Variants in CUX1 observed in about 807,000 individuals in gnomAD.
CUX1 encodes cut like homeobox 1.
In CUX1, 31 loss-of-function variants were observed where a neutral mutation model predicts 158.8. That is an observed-to-expected ratio of 0.20 (90% confidence interval 0.15 to 0.26). The LOEUF (loss-of-function observed/expected upper bound fraction) is 0.26. CUX1 is among the 10% of genes least tolerant of loss of function. The probability of loss-of-function intolerance (pLI) is 1.00; values close to 1 mark genes in which losing one functional copy is unlikely to be tolerated. For synonymous variants in CUX1, 879 were observed against 862.1 expected (o/e 1.02, Z -0.34); for missense variants, 1,589 against 2,014.6 (o/e 0.79, Z 4.04).
At chr7:101,841,035 A>G (rs940443533) in intron 1 of CUX1, among the ~76,000 whole-genome samples, 4 of 151,990 alleles carry the variant, frequency 2.6e-5, no homozygotes, top group Non-Finnish European at 5.9e-5. Flanking sequence ...CTGGGACTAC[A>G]GGTGCCCGCC....
intron 1 of CUX1, among the ~76,000 whole-genome samples, chr7:101,909,540 A>G (rs1803177242): frequency 6.6e-6 from 1 of 152,254 alleles, no homozygotes; most frequent in African/African-American, 2.4e-5. Context: ...CTTCCTGTGC[A>G]GGAACCATGG....
At chr7:102,226,908 C>T (rs1479042682) in intron 20 of CUX1, among the ~76,000 whole-genome samples, 4 of 152,152 alleles carry the variant, frequency 2.6e-5, no homozygotes, top group Non-Finnish European at 5.9e-5. Context: ...AAGGGTCTTC[C>T]TAACTGTGGT....
At chr7:102,193,951 C>A in intron 13 of CUX1, 61 bp downstream of exon 13, 1 of 1,508,858 alleles carries the variant, frequency 6.6e-7, no homozygotes, top group Non-Finnish European at 9.2e-7. Flanking sequence ...TACCACTGGT[C>A]CCTCCGGCAT....
At chr7:101,865,417 G>A (rs1421971002) in intron 1 of CUX1, among the ~76,000 whole-genome samples, 1 of 152,242 alleles carries the variant, frequency 6.6e-6, no homozygotes, top group Admixed American at 6.5e-5. Context: ...GACTAGCTAA[G>A]TTAAATCTTC....
At chr7:102,157,393 C>T (rs1554505599) in intron 8 of CUX1, among the ~76,000 whole-genome samples, 8 of 152,104 alleles carry the variant, frequency 5.3e-5, no homozygotes, top group Non-Finnish European at 1.2e-4. Flanking sequence ...AGACCATCCT[C>T]AGGACCTGCT....
chr7:102,151,748 A>C (rs968260900), intron 8 of CUX1, among the ~76,000 whole-genome samples: 6 of 149,052 alleles, frequency 4.0e-5, no homozygotes, highest in African/African-American at 1.5e-4. Flanking sequence ...AAAAAAAAAA[A>C]AAAAAAAAAA....
chr7:101,987,651 G>A (rs752154091), intron 2 of CUX1, among the ~76,000 whole-genome samples: 1 of 152,336 alleles, frequency 6.6e-6, no homozygotes, highest in African/African-American at 2.4e-5. Context: ...AAGCAAGGGC[G>A]GGGACATTGC....
chr7:102,227,342 G>A (rs782681025), intron 20 of CUX1, 25 bp from the exon 21 acceptor site: 32 of 1,578,672 alleles, frequency 2.0e-5, no homozygotes, highest in South Asian at 1.9e-4. Context: ...TTTCAGGCAC[G>A]GTTTCTCGTG....
intron 1 of CUX1, among the ~76,000 whole-genome samples, chr7:101,884,548 G>A (rs1584877040): frequency 6.6e-6 from 1 of 152,262 alleles, no homozygotes; most frequent in East Asian, 1.9e-4. Flanking sequence ...TTAAACTCAT[G>A]CTCTCCACAC....
At chr7:102,112,095 G>C in intron 7 of CUX1, 2 of 159,068 alleles carry the variant, frequency 1.3e-5, no homozygotes, top group Non-Finnish European at 2.5e-5. Flanking sequence ...ATTTCATTTG[G>C]AACAATAATA....
intron 6 of CUX1, among the ~76,000 whole-genome samples, chr7:102,106,997 G>A (rs1324823288): frequency 6.6e-6 from 1 of 152,162 alleles, no homozygotes; most frequent in Non-Finnish European, 1.5e-5. Context: ...AGAGGCTGAG[G>A]CAGGAGGATC....
At chr7:102,145,549 T>C (rs781798926) in intron 8 of CUX1, among the ~76,000 whole-genome samples, 7 of 152,056 alleles carry the variant, frequency 4.6e-5, no homozygotes, top group African/African-American at 7.2e-5. Flanking sequence ...TCCTTTCTTT[T>C]TGTGTTCTTG....
intron 8 of CUX1, among the ~76,000 whole-genome samples, chr7:102,124,916 G>T (rs1832450612): frequency 6.6e-6 from 1 of 151,884 alleles, no homozygotes; most frequent in Non-Finnish European, 1.5e-5. Flanking sequence ...CAAGTATCTG[G>T]GAGTACAGGC....
intron 2 of CUX1, among the ~76,000 whole-genome samples, chr7:101,941,456 A>G (rs1807705965): frequency 6.6e-6 from 1 of 152,228 alleles, no homozygotes; most frequent in South Asian, 2.1e-4. Context: ...CTTAAAGACG[A>G]AAATGGAAGA....
intron 1 of CUX1, among the ~76,000 whole-genome samples, chr7:101,886,604 C>T (rs964693722): frequency 2.6e-5 from 4 of 152,202 alleles, no homozygotes; most frequent in Non-Finnish European, 4.4e-5. Flanking sequence ...CCCTGGCCCC[C>T]GTGCCTGCCA....
At chr7:102,123,475 G>A (rs745425089) in intron 8 of CUX1, among the ~76,000 whole-genome samples, 28 of 151,572 alleles carry the variant, frequency 1.8e-4, no homozygotes, top group Non-Finnish European at 3.5e-4. Flanking sequence ...CAGGCGTGGT[G>A]GCGGGTGCCT....
At chr7:101,908,119 T>C (rs1020810857) in intron 1 of CUX1, among the ~76,000 whole-genome samples, 2 of 152,248 alleles carry the variant, frequency 1.3e-5, no homozygotes, top group African/African-American at 4.8e-5. Flanking sequence ...CAGTATCTTA[T>C]GTTTGTAGAA....
intron 1 of CUX1, among the ~76,000 whole-genome samples, chr7:101,850,038 C>T (rs1348838660): frequency 6.6e-6 from 1 of 151,362 alleles, no homozygotes; most frequent in Non-Finnish European, 1.5e-5. Context: ...ATTCTTCTGC[C>T]TCAGCATCCC....
chr7:102,128,199 A>C (rs1219938773), intron 8 of CUX1, among the ~76,000 whole-genome samples: 2 of 152,236 alleles, frequency 1.3e-5, no homozygotes, highest in Non-Finnish European at 2.9e-5. Context: ...TTGGAAGCCC[A>C]GAATTCTCCA....
Sources: allele counts gnomAD v4.1 joint callset (sites outside exome capture counted in the v4.1 genomes callset), GRCh38; gene constraint gnomAD v4.1.1; transcripts MANE v1.5; gene names NCBI Gene and HGNC (gene_info 2026-07-23, HGNC 2026-07-21).